The following POLD2 variants were observed in gnomAD, a reference collection of about 807,000 sequenced individuals.
The protein encoded by POLD2 is DNA polymerase delta 2, accessory subunit, also known as DNA polymerase delta subunit 2.
Under a neutral mutation model 48.8 loss-of-function variants are expected in POLD2, and 31 were observed. That is an observed-to-expected ratio of 0.64 (90% confidence interval 0.48 to 0.86). POLD2 has a LOEUF of 0.86. Among genes scored for constraint, POLD2 ranks in the 40% least tolerant of loss-of-function variants. The pLI, the probability that POLD2 is intolerant of heterozygous loss-of-function variation, is 0.00. For synonymous variants in POLD2, 233 were observed against 256.3 expected (o/e 0.91, Z 0.87); for missense variants, 455 against 610.1 (o/e 0.75, Z 2.68).
intron 2 of POLD2, 106 bp from the exon 3 acceptor site, chr7:44,118,170 G>GT: frequency 8.1e-7 from 1 of 1,237,160 alleles, no homozygotes; most frequent in Non-Finnish European, 1.1e-6. Context: ...ACAGGGCCCT[G>GT]GCCTTGCCAG....
chr7:44,123,404 C>T, intron 1 of POLD2, 107 bp downstream of exon 1: 1 of 1,440,994 alleles, frequency 6.9e-7, no homozygotes, highest in Non-Finnish European at 9.0e-7. Flanking sequence ...ATCCACGCGG[C>T]AGCTGCGGGA....
intron 2 of POLD2, among the ~76,000 whole-genome samples, chr7:44,119,711 G>A (rs908479842): frequency 6.6e-6 from 1 of 152,226 alleles, no homozygotes; most frequent in African/African-American, 2.4e-5. Context: ...AGTAGGACAT[G>A]CTTCCACCCA....
chr7:44,123,052 G>A, intron 1 of POLD2: 1 of 204,552 alleles, frequency 4.9e-6, no homozygotes, highest in Non-Finnish European at 9.1e-6. Flanking sequence ...GACACACAAT[G>A]GATTTCTAAG....
chr7:44,116,211 T>TG lies in POLD2; in HGVS notation c.922dup (p.Gln308ProfsTer30). 6.2e-7 allele frequency: 1 copy of TG among 1,613,734 alleles called. No homozygotes were observed. Among genetic ancestry groups the TG allele is most frequent in the Non-Finnish European group, 8.5e-7 (1 of 1,179,888 alleles). On this transcript the variant is annotated frameshift_variant, in exon 8 of 11. Transcript: ENST00000610533. LOFTEE classifies it high-confidence loss of function. The surrounding 1 kb of genome is among the most constrained non-coding windows in gnomAD (Gnocchi z 6.1). ...GAACATGCAGGGGTGGAGGGGCTGCTGGGGGAGCGTGTAATTGGTGGGATC... is the reference window on the plus strand; with the variant it reads ...GAACATGCAGGGGTGGAGGGGCTGCTGGGGGGAGCGTGTAATTGGTGGGATC...
In POLD2 at chr7:44,123,533, CA is replaced by C; in HGVS notation, c.-80del. 6.7e-7 allele frequency: 1 copy of C among 1,489,028 alleles called. No homozygotes were observed. Among genetic ancestry groups the C allele is most frequent in the Non-Finnish European group, 8.9e-7 (1 of 1,127,466 alleles). 92.2% of individuals were successfully genotyped at this position (1,489,028 alleles called of 1,614,324 possible). A position where few individuals can be genotyped will look rare whatever the true frequency, so the allele number is the denominator to read the frequency against. ...CACCGCGCGGCGCGCCGCATCCCGC[CA>C]ATCCCCGCGCGCCTGCCCCGCCCAT... On this transcript the variant is annotated 5_prime_UTR_variant, in exon 1 of 11. In the 5' UTR this introduces an upstream ATG that the reference lacks. Coordinates refer to ENST00000610533, the MANE Select transcript of POLD2 (RefSeq NM_006230.4).
At chr7:44,123,480 A>C (rs766385347) in intron 1 of POLD2, 31 bp downstream of exon 1, 55 of 1,493,388 alleles carry the variant, frequency 3.7e-5, no homozygotes, top group Middle Eastern at 2.3e-4. Flanking sequence ...TGCCACCCCC[A>C]GCTGACCCCG....
rs1247151893 is a variant in POLD2, at chr7:44,123,536, T to A, written c.-82A>T. 1 of 1,486,466 alleles carries A rather than the reference T, an allele frequency of 6.7e-7. No individual in the cohort carries two copies. The highest frequency in any genetic ancestry group is 2.2e-5 in the Admixed American group (1 of 44,740). 92.1% of individuals were successfully genotyped at this position (1,486,466 alleles called of 1,614,324 possible). On this transcript the variant is annotated 5_prime_UTR_variant, in exon 1 of 11. Transcript: ENST00000610533. ...CGCGCGGCGCGCCGCATCCCGCCAA[T>A]CCCCGCGCGCCTGCCCCGCCCATCG...
At chr7:44,122,350 A>T in intron 1 of POLD2, 2 of 1,300,964 alleles carry the variant, frequency 1.5e-6, no homozygotes, top group Non-Finnish European at 1.9e-6. Context: ...GTTCTTCCCG[A>T]ACCCTAGACT....
chr7:44,116,718 G>A lies in POLD2; in HGVS notation c.780+99C>T, dbSNP rs563774154. On this transcript the variant is annotated intron_variant, in intron 6 of 10. Transcript: ENST00000610533. The surrounding 1 kb of genome is among the most constrained non-coding windows in gnomAD (Gnocchi z 6.1). ...TGCAGGGCGCTTCCCACCGACCTGC[G>A]AGACCTCACAGGGTACCCTACTCGC... The A allele has an allele frequency of 7.4e-6, 10 of 1,352,468 alleles. No individual in the cohort carries two copies. The highest frequency in any genetic ancestry group is 4.8e-5 in the East Asian group (2 of 41,932). The allele number at this position is 1,352,468 out of a possible 1,614,324, so 83.8% of individuals were successfully genotyped here. A position where few individuals can be genotyped will look rare whatever the true frequency, so the allele number is the denominator to read the frequency against.
At chr7:44,115,440 C>T (rs1322776914) in intron 9 of POLD2, 44 bp from the exon 10 acceptor site, 3 of 1,208,730 alleles carry the variant, frequency 2.5e-6, no homozygotes, top group Non-Finnish European at 3.7e-6. Flanking sequence ...CGCCTCAGCA[C>T]TAGCACTCTG....
chr7:44,121,164 A>T lies in POLD2; in HGVS notation c.220+670T>A, dbSNP rs1322639769. ...GAAAATTACCTGGAAAGCCACTCTT[A>T]TGTAAGTGGTAGGAATGGGGGAATG... is the stretch of plus-strand genomic sequence containing the variant. On this transcript the variant is annotated intron_variant, in intron 2 of 10. Transcript: ENST00000610533. The surrounding 1 kb of genome is among the most constrained non-coding windows in gnomAD (Gnocchi z 4.5). 2.0e-5 allele frequency among the ~76,000 whole-genome samples: 3 copies of T among 152,208 alleles called. No individual in the cohort carries two copies. Among genetic ancestry groups the T allele is most frequent in the Non-Finnish European group, 4.4e-5 (3 of 68,046 alleles).
chr7:44,122,553 A>G, intron 1 of POLD2: 1 of 689,702 alleles, frequency 1.4e-6, no homozygotes. Context: ...CTAAACCAAA[A>G]CCAAAACATA....
intron 4 of POLD2, 102 bp downstream of exon 4, chr7:44,117,517 C>A: frequency 7.0e-7 from 1 of 1,437,102 alleles, no homozygotes; most frequent in Non-Finnish European, 9.5e-7. Flanking sequence ...GCCCAGGCCA[C>A]ACCCCCCCAC....
In POLD2 at chr7:44,121,520, C is replaced by T. The variant is rs1247429413; in HGVS notation, c.220+314G>A. ...ACACTGAGGGGCTCTCTGGCTACAG[C>T]ACAGGCAAATACCTGAATAATCTGC... is the stretch of plus-strand genomic sequence containing the variant. On this transcript the variant is annotated intron_variant, in intron 2 of 10. Transcript: ENST00000610533. This position sits in a 1 kb window ranked among gnomAD's most constrained non-coding sequence, Gnocchi z 4.5. 2.0e-5 allele frequency among the ~76,000 whole-genome samples: 3 copies of T among 152,192 alleles called. No individual in the cohort carries two copies. Among genetic ancestry groups the T allele is most frequent in the African/African-American group, 4.8e-5 (2 of 41,432 alleles).
In POLD2 at chr7:44,115,303, AT is replaced by A; in HGVS notation, c.1240del (p.Ile414SerfsTer13). Reference sequence around the variant, plus strand: ...CAGAAGACAAAAATTACCTCGGATGATTTTGGAGCCAAAGCTGGGGGTGTTG... The same window carrying A: ...CAGAAGACAAAAATTACCTCGGATGATTTGGAGCCAAAGCTGGGGGTGTTG... ...CGNTPSFGSK[I>X]IRGPEDQTVL... On this transcript the variant is annotated frameshift_variant, in exon 10 of 11. Transcript: ENST00000610533. LOFTEE classifies it high-confidence loss of function. 1 of 1,610,718 alleles carries A rather than the reference AT, an allele frequency of 6.2e-7. No homozygotes were observed. The highest frequency in any genetic ancestry group is 8.5e-7 in the Non-Finnish European group (1 of 1,176,814).
At chr7:44,123,387 G>A (rs1268560885) in intron 1 of POLD2, 124 bp downstream of exon 1, 2 of 1,419,416 alleles carry the variant, frequency 1.4e-6, no homozygotes, top group Non-Finnish European at 1.8e-6. Context: ...CGGGTGCCCC[G>A]GCTCGGATCC....
At chr7:44,119,869 G>A (rs1022599699) in intron 2 of POLD2, among the ~76,000 whole-genome samples, 2 of 152,246 alleles carry the variant, frequency 1.3e-5, no homozygotes, top group Non-Finnish European at 2.9e-5. Flanking sequence ...ATGGTGAGCT[G>A]AGGTAGAAAA....
chr7:44,117,212 C>A lies in POLD2; in HGVS notation c.502G>T (p.Asp168Tyr), dbSNP rs147202391. 1.9e-6 allele frequency: 3 copies of A among 1,613,892 alleles called. No homozygotes were observed. In the South Asian group the frequency reaches 3.3e-5, roughly 18 times the overall value. The part of the protein sequence containing the change: ...VLAVFGSVRD[D>Y]GKFLVEDYCF... Reference sequence around the variant, plus strand: ...TAGTCCTCCACCAGAAACTTCCCGTCGTCTCTCACGGAGCCAAACACAGCC... The same window carrying A: ...TAGTCCTCCACCAGAAACTTCCCGTAGTCTCTCACGGAGCCAAACACAGCC... Residue 168 changes from aspartate (D) to tyrosine (Y), a missense_variant, in exon 5 of 11, where the codon GAC (aspartate) becomes TAC (tyrosine). This residue lies in a region of POLD2 where 349 missense variants were observed against 437.4 expected (regional missense o/e 0.80). Coordinates refer to ENST00000610533, the MANE Select transcript of POLD2 (RefSeq NM_006230.4).
chr7:44,118,297 T>C, intron 2 of POLD2: 2 of 466,978 alleles, frequency 4.3e-6, no homozygotes, highest in Non-Finnish European at 7.8e-6. Context: ...AGTGTCCTCA[T>C]GAGAACAGAG....
Sources: gnomAD v4.1 joint callset for allele counts (sites outside exome capture counted in the v4.1 genomes callset) on GRCh38, gnomAD v4.1.1 for gene constraint, gnomAD v4.1.1 regional missense constraint, Gnocchi (gnomAD v3.1) non-coding constraint, MANE v1.5 for transcripts, NCBI Gene and HGNC (gene_info 2026-07-23, HGNC 2026-07-21) for gene names.